EMID1: variants seen among roughly 807,000 people sequenced by gnomAD.
EMID1 encodes EMI domain-containing protein 1.
A neutral mutation model predicts 60.6 loss-of-function variants in EMID1; 40 were observed. The ratio of observed to expected loss-of-function variants is 0.66; its 90% confidence interval spans 0.51 to 0.86. The LOEUF (loss-of-function observed/expected upper bound fraction) is 0.86. Among genes scored for constraint, EMID1 ranks in the 40% least tolerant of loss-of-function variants. The pLI, the probability that EMID1 is intolerant of heterozygous loss-of-function variation, is 0.00. For missense variants in EMID1, 585 were observed against 597.1 expected (o/e 0.98, Z 0.21); for synonymous variants, 242 against 231.0 (o/e 1.05, Z -0.43).
intron 1 of EMID1, among the ~76,000 whole-genome samples, chr22:29,206,696 G>C (rs1410272379): frequency 6.6e-6 from 1 of 152,136 alleles, no homozygotes; most frequent in African/African-American, 2.4e-5. Context: ...TGCTCTCCTA[G>C]CGGCGGGGAA....
Position 29,259,117 on chromosome 22 carries a change from G to A in EMID1, c.*173G>A, listed in dbSNP as rs560935964. 119 of 1,014,666 alleles carry A rather than the reference G, an allele frequency of 1.2e-4. 3 individuals carry two copies. The South Asian group carries it at 2.0e-3, about 17-fold the overall frequency. The allele number at this position is 1,014,666 out of a possible 1,614,324, so 62.9% of individuals were successfully genotyped here. A position where few individuals can be genotyped will look rare whatever the true frequency, so the allele number is the denominator to read the frequency against. Reference sequence around the variant, plus strand: ...GTCCTGGCACCATGCACATGTCTGAGGCTGAGCAAGGGCTGAGAGGAGAGG... The same window carrying A: ...GTCCTGGCACCATGCACATGTCTGAAGCTGAGCAAGGGCTGAGAGGAGAGG... On this transcript the variant is annotated 3_prime_UTR_variant, in exon 15 of 15. Coordinates refer to ENST00000334018, the MANE Select transcript of EMID1 (RefSeq NM_133455.4).
At chr22:29,218,537 G>C (rs2040169920) in intron 3 of EMID1, among the ~76,000 whole-genome samples, 1 of 152,196 alleles carries the variant, frequency 6.6e-6, no homozygotes, top group African/African-American at 2.4e-5. Context: ...TGTGCCCCCA[G>C]GCCTCAGGAG....
chr22:29,228,274 C>T (rs1364822981), intron 5 of EMID1, among the ~76,000 whole-genome samples: 3 of 151,770 alleles, frequency 2.0e-5, no homozygotes, highest in Non-Finnish European at 2.9e-5. Context: ...TGCAGTGAGC[C>T]GAGATTGCAC....
rs8550 is a variant in EMID1 at position 29,259,382 on chromosome 22, C to T, written c.*438C>T. On this transcript the variant is annotated 3_prime_UTR_variant, in exon 15 of 15. Transcript: ENST00000334018. ...TCCCTCCTTGTTGTCCAGTGCTGGG[C>T]TCCCCACCCCGAGGTCAGGCTGCCC... The T allele has an allele frequency of 0.83, 158,257 of 191,624 alleles. 65,533 individuals carry two copies. Among genetic ancestry groups the T allele is most frequent in the South Asian group, 0.88 (9,693 of 11,012 alleles). The allele number at this position is 191,624 out of a possible 1,614,324, so 11.9% of individuals were successfully genotyped here. A position where few individuals can be genotyped will look rare whatever the true frequency, so the allele number is the denominator to read the frequency against.
intron 6 of EMID1, 98 bp from the exon 7 acceptor site, chr22:29,231,495 G>A: frequency 7.6e-7 from 1 of 1,318,298 alleles, no homozygotes; most frequent in South Asian, 1.3e-5. Context: ...GGGTCCCGCT[G>A]CTTCCCCGAA....
intron 1 of EMID1, among the ~76,000 whole-genome samples, chr22:29,207,345 C>G (rs1432850665): frequency 6.6e-6 from 1 of 152,174 alleles, no homozygotes; most frequent in Non-Finnish European, 1.5e-5. Flanking sequence ...TTCATCAGCT[C>G]CAGAATCCTC....
chr22:29,242,340 C>A lies in EMID1; in HGVS notation c.1075-1105C>A, dbSNP rs552922644. Among the ~76,000 whole-genome samples the A allele has an allele frequency of 3.3e-5, 5 of 152,244 alleles. No homozygotes were observed. In the South Asian group the frequency reaches 1.0e-3, roughly 32 times the overall value. On this transcript the variant is annotated intron_variant, in intron 12 of 14. Coordinates refer to ENST00000334018, the MANE Select transcript of EMID1 (RefSeq NM_133455.4). ...GATAATTTTCTATTTCTGGTATTAT[C>A]GTTTTCACTTCCAGGATTTCCATTT...
chr22:29,210,231 G>C (rs1224569268), intron 1 of EMID1, among the ~76,000 whole-genome samples: 1 of 149,626 alleles, frequency 6.7e-6, no homozygotes, highest in Non-Finnish European at 1.5e-5. Flanking sequence ...TGGCAACCAG[G>C]CAGGGACCCA....
intron 5 of EMID1, among the ~76,000 whole-genome samples, chr22:29,227,072 A>G (rs1223007995): frequency 6.6e-6 from 1 of 152,026 alleles, no homozygotes; most frequent in Non-Finnish European, 1.5e-5. Flanking sequence ...AATTATTTCA[A>G]GATAAAATGT....
At chr22:29,244,003 C>T (rs1249671047) in intron 13 of EMID1, among the ~76,000 whole-genome samples, 1 of 152,176 alleles carries the variant, frequency 6.6e-6, no homozygotes, top group Non-Finnish European at 1.5e-5. Context: ...AACTAGATAC[C>T]ACCATACACA....
At chr22:29,254,005 G>A (rs2041615468) in intron 13 of EMID1, 198 bp from the exon 14 acceptor site, 1 of 985,290 alleles carries the variant, frequency 1.0e-6, no homozygotes, top group Non-Finnish European at 1.2e-6. Context: ...TCCTGCAGGG[G>A]TTGCTTCCTT....
At chr22:29,208,771 A>G (rs554132928) in intron 1 of EMID1, among the ~76,000 whole-genome samples, 23 of 152,292 alleles carry the variant, frequency 1.5e-4, no homozygotes, top group East Asian at 9.7e-4. Context: ...GGTGTCCCCA[A>G]TCCCCAGGGA....
chr22:29,239,684 T>C (rs1031668346), intron 12 of EMID1, among the ~76,000 whole-genome samples: 2 of 152,046 alleles, frequency 1.3e-5, no homozygotes, highest in Non-Finnish European at 2.9e-5. Context: ...AGAACTGCAG[T>C]AGATAGGCCT....
intron 9 of EMID1, 48 bp from the exon 10 acceptor site, chr22:29,233,566 T>C: frequency 6.3e-7 from 1 of 1,582,892 alleles, no homozygotes; most frequent in East Asian, 2.2e-5. Context: ...GGGCACTTCC[T>C]GAGATTGTAC....
chr22:29,218,257 C>T (rs2040161456), intron 3 of EMID1, among the ~76,000 whole-genome samples: 1 of 152,268 alleles, frequency 6.6e-6, no homozygotes. Context: ...CAGTCAGCTG[C>T]TCAAGAAACG....
In EMID1 at chr22:29,254,214, G is replaced by A. The variant is rs374347983; in HGVS notation, c.1131G>A (p.Leu377=). ...TCTTTCCTCCACAGGGGGAGGGGTTGCACCAGCTACGCGAGGCTTTGAAGA... is the reference window on the plus strand; with the variant it reads ...TCTTTCCTCCACAGGGGGAGGGGTTACACCAGCTACGCGAGGCTTTGAAGA... The part of the protein sequence containing the change: ...PGEKSHWGEG[L]HQLREALKIL... Residue 377 remains leucine, a synonymous_variant, in exon 14 of 15, where the codon TTG becomes TTA. Coordinates refer to ENST00000334018, the MANE Select transcript of EMID1 (RefSeq NM_133455.4). 1.1e-5 allele frequency: 17 copies of A among 1,614,010 alleles called. No individual in the cohort carries two copies. The highest frequency in any genetic ancestry group is 1.4e-5 in the Non-Finnish European group (16 of 1,179,994).
At chr22:29,216,955 G>C (rs2040111149) in intron 3 of EMID1, among the ~76,000 whole-genome samples, 1 of 152,250 alleles carries the variant, frequency 6.6e-6, no homozygotes, top group African/African-American at 2.4e-5. Flanking sequence ...GTTTGAAGGG[G>C]AGCCAGGAAC....
At chr22:29,244,416 C>A (rs1602026614) in intron 13 of EMID1, among the ~76,000 whole-genome samples, 2 of 152,014 alleles carry the variant, frequency 1.3e-5, no homozygotes. Context: ...CATGGCAAAA[C>A]CCCCATCTCT....
Position 29,254,307 on chromosome 22 carries a change from C to A in EMID1, c.1204+20C>A, listed in dbSNP as rs192978821. On this transcript the variant is annotated intron_variant, in intron 14 of 14. Transcript: ENST00000334018. ...TCTATGGTGAGTAGAGACAGACAGA[C>A]GGACAGACGGCCCAGCCCCTGCCTG... The A allele has an allele frequency of 4.4e-6, 7 of 1,608,862 alleles. No homozygotes were observed. Among genetic ancestry groups the A allele is most frequent in the Non-Finnish European group, 6.0e-6 (7 of 1,175,404 alleles).
Sources: gnomAD v4.1 joint callset for allele counts (sites outside exome capture counted in the v4.1 genomes callset) on GRCh38, gnomAD v4.1.1 for gene constraint, MANE v1.5 for transcripts, NCBI Gene and HGNC (gene_info 2026-07-23, HGNC 2026-07-21) for gene names.